Variants in DGKB observed in about 807,000 individuals in gnomAD.
DGKB encodes the protein diacylglycerol kinase beta.
A neutral mutation model predicts 114.3 loss-of-function variants in DGKB; 67 were observed. The observed-to-expected ratio is 0.59, with a 90% confidence interval of 0.48 to 0.72. The LOEUF is 0.72. Ranked by LOEUF, DGKB falls within the 30% of genes least tolerant of loss-of-function variation. The pLI is 0.00. For missense variants in DGKB, 907 were observed against 975.2 expected, an observed-to-expected ratio of 0.93 and a Z score of 0.93; for synonymous variants, 398 against 323.1, an observed-to-expected ratio of 1.23 and a Z score of -2.49.
chr7:14,709,473 C>T (rs1361684912), intron 6 of DGKB, among the ~76,000 whole-genome samples: 12 of 116,644 alleles, frequency 1.0e-4, no homozygotes, highest in African/African-American at 3.6e-4. Context: ...TGGGTATATA[C>T]CCAAATGACT....
At chr7:14,692,782 G>T (rs1358808008) in intron 9 of DGKB, among the ~76,000 whole-genome samples, 1 of 151,734 alleles carries the variant, frequency 6.6e-6, no homozygotes. Context: ...CTCTGACCAT[G>T]TCTTGGATCC....
chr7:14,611,828 T>G (rs1805600001), intron 16 of DGKB, among the ~76,000 whole-genome samples: 1 of 151,832 alleles, frequency 6.6e-6, no homozygotes, highest in African/African-American at 2.4e-5. Flanking sequence ...AAAAATTATT[T>G]TCCTTTGAAA....
chr7:14,856,922 C>A lies in DGKB; in HGVS notation c.-187-15472G>T, dbSNP rs191801804. 5.0e-3 allele frequency among the ~76,000 whole-genome samples: 767 copies of A among 152,210 alleles called. 3 individuals carry two copies. Among genetic ancestry groups the A allele is most frequent in the Non-Finnish European group, 8.5e-3 (575 of 68,008 alleles). ...TATGGGGAACACACCTTAGGGTAAG[C>A]ACCCATGAGTCACCCCTAACCTCAG... On this transcript the variant is annotated intron_variant, in intron 1 of 25. Coordinates refer to ENST00000402815, the MANE Select transcript of DGKB (RefSeq NM_001350709.2).
At chr7:14,154,543 A>C (rs1314159300) in intron 25 of DGKB, among the ~76,000 whole-genome samples, 2 of 152,052 alleles carry the variant, frequency 1.3e-5, no homozygotes, top group Middle Eastern at 3.4e-3. Context: ...AAATGCTTAG[A>C]CTGTTACCTG....
intron 20 of DGKB, among the ~76,000 whole-genome samples, chr7:14,558,572 A>T (rs1404669634): frequency 1.3e-5 from 2 of 152,170 alleles, no homozygotes; most frequent in Non-Finnish European, 2.9e-5. Context: ...TTGTGGCCAC[A>T]TGTGTAATTG....
intron 13 of DGKB, among the ~76,000 whole-genome samples, chr7:14,648,339 T>C: frequency 6.6e-6 from 1 of 152,174 alleles, no homozygotes; most frequent in Non-Finnish European, 1.5e-5. Flanking sequence ...CCCTGACCCC[T>C]GACCCCCGAG....
intron 17 of DGKB, among the ~76,000 whole-genome samples, chr7:14,586,424 G>C (rs1048634669): frequency 3.9e-5 from 6 of 152,220 alleles, no homozygotes; most frequent in South Asian, 4.1e-4. Flanking sequence ...GTTGGTTCTT[G>C]AAGCTTAAGG....
At chr7:14,268,722 A>G (rs990809976) in intron 23 of DGKB, among the ~76,000 whole-genome samples, 4 of 152,174 alleles carry the variant, frequency 2.6e-5, no homozygotes, top group Non-Finnish European at 5.9e-5. Context: ...AATTTAATCT[A>G]TTTAACTCCT....
At chr7:14,518,207 A>G (rs1050016427) in intron 20 of DGKB, among the ~76,000 whole-genome samples, 2 of 152,210 alleles carry the variant, frequency 1.3e-5, no homozygotes, top group African/African-American at 4.8e-5. Context: ...AAACTAACAC[A>G]TGACCAGAAA....
At chr7:14,587,391 CA>C (rs1191994827) in intron 17 of DGKB, among the ~76,000 whole-genome samples, 7 of 151,528 alleles carry the variant, frequency 4.6e-5, no homozygotes, top group Admixed American at 3.3e-4. Context: ...TAGAGATAAG[CA>C]AAAAAAGAGG....
chr7:14,298,959 T>A (rs527544233), intron 23 of DGKB, among the ~76,000 whole-genome samples: 1 of 152,168 alleles, frequency 6.6e-6, no homozygotes, highest in South Asian at 2.1e-4. Flanking sequence ...TCATCACTGG[T>A]CATTAGAGAA....
intron 25 of DGKB, among the ~76,000 whole-genome samples, chr7:14,151,315 C>T (rs146057888): frequency 6.6e-6 from 1 of 151,686 alleles, no homozygotes; most frequent in African/African-American, 2.4e-5. Flanking sequence ...TCTTCCTAGC[C>T]ATTTATATAT....
At chr7:14,410,774 T>TA (rs1418388608) in intron 21 of DGKB, among the ~76,000 whole-genome samples, 1 of 141,740 alleles carries the variant, frequency 7.1e-6, no homozygotes, top group Non-Finnish European at 1.5e-5. Flanking sequence ...AATGATATTT[T>TA]AAAAATTGTA....
chr7:14,183,917 G>A (rs573365350), intron 23 of DGKB, among the ~76,000 whole-genome samples: 8 of 152,290 alleles, frequency 5.3e-5, no homozygotes, highest in Non-Finnish European at 1.0e-4. Flanking sequence ...ACGCTCTGAC[G>A]GAAGTGGACT....
chr7:14,255,821 C>A (rs1795889773), intron 23 of DGKB, among the ~76,000 whole-genome samples: 1 of 151,890 alleles, frequency 6.6e-6, no homozygotes, highest in Non-Finnish European at 1.5e-5. Context: ...TCTCACCTTC[C>A]ATTTCACTGT....
chr7:14,660,442 T>A (rs1359859240), intron 13 of DGKB, among the ~76,000 whole-genome samples: 1 of 152,212 alleles, frequency 6.6e-6, no homozygotes, highest in East Asian at 1.9e-4. Context: ...CCTGGTTTAG[T>A]CTTAGGAGAC....
chr7:14,560,388 G>C (rs1237531966), intron 20 of DGKB, among the ~76,000 whole-genome samples: 2 of 152,074 alleles, frequency 1.3e-5, no homozygotes, highest in Non-Finnish European at 2.9e-5. Flanking sequence ...AGCCCTGGTA[G>C]CCACAATTCC....
At chr7:14,874,511 A>T (rs217565) in intron 1 of DGKB, among the ~76,000 whole-genome samples, 139,196 of 151,974 alleles carry the variant, frequency 0.92, 64,143 homozygotes, top group Non-Finnish European at 0.96. Flanking sequence ...TATAGTGAGG[A>T]AAGTCCACTA....
intron 20 of DGKB, among the ~76,000 whole-genome samples, chr7:14,553,569 G>C (rs1032587509): frequency 1.3e-5 from 2 of 152,032 alleles, no homozygotes; most frequent in Admixed American, 1.3e-4. Context: ...ACATCCAATC[G>C]CAAATCATTA....
Sources: allele counts gnomAD v4.1 joint callset (sites outside exome capture counted in the v4.1 genomes callset), GRCh38; gene constraint gnomAD v4.1.1; transcripts MANE v1.5; gene names NCBI Gene and HGNC (gene_info 2026-07-23, HGNC 2026-07-21).